Variants in CSRNP3 observed in about 807,000 individuals in gnomAD.
CSRNP3 encodes cysteine and serine rich nuclear protein 3.
In CSRNP3, 12 loss-of-function variants were observed where a neutral mutation model predicts 48.0. The observed-to-expected ratio is 0.25, with a 90% CI of 0.16 to 0.41. CSRNP3 has a LOEUF of 0.41. CSRNP3 is among the 10% of genes least tolerant of loss of function. CSRNP3 has a pLI of 1.00. For missense variants in CSRNP3, 580 were observed against 724.4 expected (o/e 0.80, Z 2.29); for synonymous variants, 263 against 269.7 (o/e 0.98, Z 0.24).
At chr2:165,509,008 G>A (rs1049580397) in intron 2 of CSRNP3, among the ~76,000 whole-genome samples, 3 of 152,086 alleles carry the variant, frequency 2.0e-5, no homozygotes, top group African/African-American at 7.2e-5. Flanking sequence ...TTAGCATATT[G>A]CTTTTTCCAA....
intron 4 of CSRNP3, among the ~76,000 whole-genome samples, chr2:165,608,999 T>C (rs1452531613): frequency 3.5e-5 from 5 of 142,542 alleles, no homozygotes; most frequent in Non-Finnish European, 7.6e-5. Flanking sequence ...CCCAGCTACT[T>C]AGGAGGCTGA....
chr2:165,598,812 G>A (rs1050655256), intron 4 of CSRNP3, among the ~76,000 whole-genome samples: 2 of 152,102 alleles, frequency 1.3e-5, no homozygotes, highest in African/African-American at 4.8e-5. Context: ...TTCAAGAAAA[G>A]ATTTAATAAA....
chr2:165,477,424 G>A (rs1349947474), intron 1 of CSRNP3, among the ~76,000 whole-genome samples: 3 of 145,788 alleles, frequency 2.1e-5, no homozygotes, highest in Non-Finnish European at 4.5e-5. Flanking sequence ...TTCGAGACCA[G>A]CCTGACCAAC....
At chr2:165,576,292 A>C (rs1685449796) in intron 3 of CSRNP3, among the ~76,000 whole-genome samples, 1 of 151,888 alleles carries the variant, frequency 6.6e-6, no homozygotes, top group African/African-American at 2.4e-5. Context: ...TTTTTTCTTA[A>C]AATGTTTAAT....
intron 4 of CSRNP3, among the ~76,000 whole-genome samples, chr2:165,596,731 A>G (rs149884594): frequency 1.2e-3 from 148 of 120,616 alleles, no homozygotes; most frequent in African/African-American, 3.9e-3. Flanking sequence ...GGGTCTTAAT[A>G]CTAGTAGTGA....
rs1246568056 is a variant in CSRNP3, at chr2:165,685,562, A to G, written c.*5809A>G. ...TTTAAATATTCACATCTAGCCTGGA[A>G]TTTTAGTAAATACAGATACTTGTTG... is the stretch of plus-strand genomic sequence containing the variant. On this transcript the variant is annotated 3_prime_UTR_variant, in exon 7 of 7. Coordinates refer to ENST00000651982, the MANE Select transcript of CSRNP3 (RefSeq NM_001172173.2). 2.6e-5 allele frequency: 4 copies of G among 152,170 alleles called. No individual in the cohort carries two copies. The highest frequency in any genetic ancestry group is 4.8e-5 in the African/African-American group (2 of 41,458). 9.4% of individuals were successfully genotyped at this position (152,170 alleles called of 1,614,324 possible).
chr2:165,580,812 C>T (rs1473794671), intron 3 of CSRNP3, among the ~76,000 whole-genome samples: 1 of 151,620 alleles, frequency 6.6e-6, no homozygotes, highest in East Asian at 1.9e-4. Context: ...ATGCTATCTT[C>T]CAGTGATGCA....
chr2:165,545,314 G>A (rs572361901), intron 3 of CSRNP3, among the ~76,000 whole-genome samples: 24 of 152,212 alleles, frequency 1.6e-4, no homozygotes, highest in Admixed American at 2.6e-4. Context: ...GGTGTGAGAA[G>A]GTTGTTAATA....
chr2:165,635,989 T>C (rs1686620941), intron 4 of CSRNP3, among the ~76,000 whole-genome samples: 1 of 152,192 alleles, frequency 6.6e-6, no homozygotes, highest in Non-Finnish European at 1.5e-5. Flanking sequence ...CACCAGCTTC[T>C]GCTTCAAAGC....
At chr2:165,512,496 A>C (rs1684521465) in intron 2 of CSRNP3, among the ~76,000 whole-genome samples, 1 of 152,194 alleles carries the variant, frequency 6.6e-6, no homozygotes, top group Non-Finnish European at 1.5e-5. Context: ...CATGGTGACC[A>C]CCTCATCTAT....
chr2:165,542,907 A>C (rs1379314954), intron 3 of CSRNP3, among the ~76,000 whole-genome samples: 1 of 152,166 alleles, frequency 6.6e-6, no homozygotes, highest in Non-Finnish European at 1.5e-5. Context: ...ATGAAATATG[A>C]AGTAGCAAAT....
intron 2 of CSRNP3, among the ~76,000 whole-genome samples, chr2:165,507,340 T>C (rs77121525): frequency 0.019 from 2,923 of 152,264 alleles, 52 homozygotes; most frequent in Non-Finnish European, 0.034. Context: ...TTCCAAAATA[T>C]GGCAACCTCT....
intron 5 of CSRNP3, among the ~76,000 whole-genome samples, chr2:165,663,964 T>A (rs1216360515): frequency 1.3e-5 from 2 of 151,996 alleles, no homozygotes; most frequent in South Asian, 4.2e-4. Context: ...GAGAAAAAAA[T>A]TTGAGAGGAA....
At chr2:165,535,540 C>T (rs972664506) in intron 3 of CSRNP3, among the ~76,000 whole-genome samples, 7 of 151,710 alleles carry the variant, frequency 4.6e-5, no homozygotes, top group East Asian at 3.9e-4. Context: ...GATGGCCTTC[C>T]GTCATCAAGG....
At chr2:165,624,717 T>A (rs770629853) in intron 4 of CSRNP3, among the ~76,000 whole-genome samples, 1 of 152,188 alleles carries the variant, frequency 6.6e-6, no homozygotes, top group African/African-American at 2.4e-5. Context: ...TTACTTCCCC[T>A]GCCTCTCCCT....
chr2:165,564,485 TA>T (rs1482066465), intron 3 of CSRNP3, among the ~76,000 whole-genome samples: 5 of 152,054 alleles, frequency 3.3e-5, no homozygotes, highest in African/African-American at 1.2e-4. Flanking sequence ...AGAGATTTTA[TA>T]ATTTTGATTG....
In CSRNP3 at chr2:165,508,799, T is replaced by C. The variant is rs953438521; in HGVS notation, c.-112-9074T>C. ...ATTTTAGTAACTTTTATTTGTTTAA[T>C]AATTTCATAATATTACAAGGTATGG... On this transcript the variant is annotated intron_variant, in intron 2 of 6. Coordinates refer to ENST00000651982, the MANE Select transcript of CSRNP3 (RefSeq NM_001172173.2). Among the ~76,000 whole-genome samples, 6 of 152,234 alleles carry C rather than the reference T, an allele frequency of 3.9e-5. 1 individual carries two copies. Among genetic ancestry groups the C allele is most frequent in the Admixed American group, 3.9e-4 (6 of 15,276 alleles).
intron 2 of CSRNP3, among the ~76,000 whole-genome samples, chr2:165,500,008 C>T (rs1326648566): frequency 6.7e-6 from 1 of 150,290 alleles, no homozygotes; most frequent in South Asian, 2.1e-4. Context: ...TCTTTACAAT[C>T]CTTAATGTAC....
intron 1 of CSRNP3, among the ~76,000 whole-genome samples, chr2:165,483,822 A>T (rs1684078965): frequency 6.6e-6 from 1 of 151,032 alleles, no homozygotes; most frequent in East Asian, 1.9e-4. Flanking sequence ...TTCATGACTT[A>T]CTTATGTCCC....
Sources: gnomAD v4.1 joint callset for allele counts (sites outside exome capture counted in the v4.1 genomes callset) on GRCh38, gnomAD v4.1.1 for gene constraint, MANE v1.5 for transcripts, NCBI Gene and HGNC (gene_info 2026-07-23, HGNC 2026-07-21) for gene names.